KCTD16: variants seen among roughly 807,000 people sequenced by gnomAD.
KCTD16 encodes the protein potassium channel tetramerization domain containing 16.
Under a neutral mutation model 33.2 loss-of-function variants are expected in KCTD16, and 13 were observed. The observed-to-expected ratio is 0.39, with a 90% CI of 0.25 to 0.62. The LOEUF (loss-of-function observed/expected upper bound fraction) is 0.62. Ranked by LOEUF, KCTD16 falls within the 20% of genes least tolerant of loss-of-function variation. KCTD16 has a pLI of 0.50. For missense variants in KCTD16, 441 were observed against 525.1 expected, an observed-to-expected ratio of 0.84 and a Z score of 1.57; for synonymous variants, 197 against 195.3, an observed-to-expected ratio of 1.01 and a Z score of -0.07.
chr5:144,207,179 C>T lies in KCTD16; in HGVS notation c.465C>T (p.Ser155=), dbSNP rs1753207645. ...GSDTRICPPS[S]LLPADRKWGF... The stretch of plus-strand genomic sequence containing the variant: ...ACACAAGAATCTGCCCCCCTTCCTC[C>T]CTGCTCCCTGCCGACCGCAAGTGGG... The change falls in exon 3 of 4, where the codon TCC becomes TCT. Residue 155 remains serine, a synonymous_variant. Transcript: ENST00000512467. 1.2e-6 allele frequency: 2 copies of T among 1,613,166 alleles called. No individual in the cohort carries two copies. Among genetic ancestry groups the T allele is most frequent in the Non-Finnish European group, 1.7e-6 (2 of 1,179,616 alleles).
chr5:144,178,813 A>G (rs1055857814), intron 2 of KCTD16, among the ~76,000 whole-genome samples: 1 of 152,186 alleles, frequency 6.6e-6, no homozygotes. Context: ...ACTAAATATT[A>G]TAATACACTA....
At chr5:144,196,550 C>T (rs1752943318) in intron 2 of KCTD16, among the ~76,000 whole-genome samples, 1 of 151,984 alleles carries the variant, frequency 6.6e-6, no homozygotes, top group Admixed American at 6.6e-5. Context: ...CTTCTATGTC[C>T]TGTATTATGG....
intron 3 of KCTD16, among the ~76,000 whole-genome samples, chr5:144,433,028 C>T (rs1753499641): frequency 6.6e-6 from 1 of 152,038 alleles, no homozygotes; most frequent in African/African-American, 2.4e-5. Context: ...CAAGACCAAA[C>T]AATATAAAGT....
At chr5:144,443,407 TA>T (rs1394671668) in intron 3 of KCTD16, among the ~76,000 whole-genome samples, 5 of 152,182 alleles carry the variant, frequency 3.3e-5, no homozygotes, top group African/African-American at 1.2e-4. Context: ...CCAGATACAT[TA>T]TTTTTTTTTT....
chr5:144,372,542 G>GT (rs1324840977), intron 3 of KCTD16, among the ~76,000 whole-genome samples: 1 of 152,142 alleles, frequency 6.6e-6, no homozygotes. Context: ...ACCATGATAT[G>GT]TTACAAGGTT....
chr5:144,265,489 G>A (rs1755118126), intron 3 of KCTD16, among the ~76,000 whole-genome samples: 3 of 152,160 alleles, frequency 2.0e-5, no homozygotes, highest in East Asian at 1.9e-4. Flanking sequence ...TGAAGTTAAG[G>A]AAACAACCCA....
At chr5:144,334,403 C>A (rs1347457875) in intron 3 of KCTD16, among the ~76,000 whole-genome samples, 2 of 152,090 alleles carry the variant, frequency 1.3e-5, no homozygotes, top group Non-Finnish European at 2.9e-5. Context: ...TGAAGAATAC[C>A]TATCTCATAG....
At chr5:144,198,029 C>T (rs1752970612) in intron 2 of KCTD16, among the ~76,000 whole-genome samples, 1 of 152,124 alleles carries the variant, frequency 6.6e-6, no homozygotes, top group Non-Finnish European at 1.5e-5. Context: ...GACATGAATA[C>T]CTCTTTGTAG....
intron 3 of KCTD16, among the ~76,000 whole-genome samples, chr5:144,451,445 C>T (rs922907410): frequency 1.3e-5 from 2 of 152,116 alleles, no homozygotes; most frequent in African/African-American, 4.8e-5. Flanking sequence ...CTGTTTCTGC[C>T]TCTCCAAGAC....
chr5:144,359,028 A>G (rs1055995490), intron 3 of KCTD16, among the ~76,000 whole-genome samples: 1 of 152,154 alleles, frequency 6.6e-6, no homozygotes, highest in African/African-American at 2.4e-5. Flanking sequence ...CTAGCTGCCT[A>G]CTCTGAGTAC....
At chr5:144,197,082 A>C (rs938662590) in intron 2 of KCTD16, among the ~76,000 whole-genome samples, 1 of 152,208 alleles carries the variant, frequency 6.6e-6, no homozygotes, top group Non-Finnish European at 1.5e-5. Flanking sequence ...TCCTACACAC[A>C]TGTTTGGAAA....
At chr5:144,417,790 C>A (rs895318436) in intron 3 of KCTD16, among the ~76,000 whole-genome samples, 1 of 152,052 alleles carries the variant, frequency 6.6e-6, no homozygotes, top group Admixed American at 6.6e-5. Context: ...TAAAGTAGGG[C>A]TCCAACTTCG....
At chr5:144,352,141 A>G (rs972065132) in intron 3 of KCTD16, among the ~76,000 whole-genome samples, 1 of 152,216 alleles carries the variant, frequency 6.6e-6, no homozygotes, top group African/African-American at 2.4e-5. Context: ...ACATCACTAT[A>G]TGCTATTTTT....
chr5:144,302,810 A>G lies in KCTD16; in HGVS notation c.832+95264A>G, dbSNP rs572724716. Among the ~76,000 whole-genome samples the G allele has an allele frequency of 7.2e-5, 11 of 152,354 alleles. No individual in the cohort carries two copies. The South Asian group carries it at 2.3e-3, about 32-fold the overall frequency. On this transcript the variant is annotated intron_variant, in intron 3 of 3. Transcript: ENST00000512467. ...TGCCACAGTTGTATGTGATGAAAAC[A>G]GTTTTTAATAATTTGATATGGACAG...
intron 3 of KCTD16, among the ~76,000 whole-genome samples, chr5:144,415,065 G>A (rs1002539182): frequency 6.6e-6 from 1 of 152,108 alleles, no homozygotes; most frequent in Admixed American, 6.6e-5. Context: ...CTTGAGCCTG[G>A]GAAGTCCAAG....
At chr5:144,432,956 C>T (rs1270786729) in intron 3 of KCTD16, among the ~76,000 whole-genome samples, 2 of 151,922 alleles carry the variant, frequency 1.3e-5, no homozygotes, top group African/African-American at 4.8e-5. Context: ...GACATCATTG[C>T]CAAAATTATT....
chr5:144,417,868 T>C (rs977717516), intron 3 of KCTD16, among the ~76,000 whole-genome samples: 1 of 152,170 alleles, frequency 6.6e-6, no homozygotes, highest in Admixed American at 6.5e-5. Context: ...AATTGGTTCC[T>C]TCCTGTGGAT....
chr5:144,383,845 G>A (rs1024234744), intron 3 of KCTD16, among the ~76,000 whole-genome samples: 8 of 152,084 alleles, frequency 5.3e-5, no homozygotes, highest in Admixed American at 3.9e-4. Flanking sequence ...CATCTGAGCC[G>A]AGGCTTAGCA....
intron 3 of KCTD16, among the ~76,000 whole-genome samples, chr5:144,261,697 C>T (rs563022187): frequency 5.3e-5 from 8 of 152,286 alleles, no homozygotes; most frequent in African/African-American, 1.7e-4. Context: ...ACTGCACATC[C>T]GGGCTTATTG....
Sources: allele counts gnomAD v4.1 joint callset (sites outside exome capture counted in the v4.1 genomes callset), GRCh38; gene constraint gnomAD v4.1.1; transcripts MANE v1.5; gene names NCBI Gene and HGNC (gene_info 2026-07-23, HGNC 2026-07-21).